The following COL4A2 variants were observed in gnomAD, a reference collection of about 807,000 sequenced individuals.
COL4A2 encodes the protein collagen alpha-2(IV) chain.
In COL4A2, 99 loss-of-function variants were observed where a neutral mutation model predicts 200.2. That is an observed-to-expected ratio of 0.49 (90% CI 0.42 to 0.58). The LOEUF (loss-of-function observed/expected upper bound fraction) is 0.58. COL4A2 is among the 20% of genes least tolerant of loss of function. The pLI is 0.00. For synonymous variants in COL4A2, 897 were observed against 900.6 expected, an observed-to-expected ratio of 1.00 and a Z score of 0.07; for missense variants, 1,950 against 2,314.1, an observed-to-expected ratio of 0.84 and a Z score of 3.23.
intron 29 of COL4A2, among the ~76,000 whole-genome samples, chr13:110,475,714 T>C (rs1275063576): frequency 3.9e-5 from 6 of 152,240 alleles, no homozygotes; most frequent in Non-Finnish European, 8.8e-5. Context: ...CAGCGGGTCC[T>C]GCTTCCATTC....
At chr13:110,370,579 T>G (rs565284776) in intron 4 of COL4A2, among the ~76,000 whole-genome samples, 1 of 152,172 alleles carries the variant, frequency 6.6e-6, no homozygotes, top group South Asian at 2.1e-4. Flanking sequence ...TGTTGTTGTG[T>G]TGTTGTTGTT....
intron 29 of COL4A2, 68 bp downstream of exon 29, chr13:110,473,218 A>G (rs1471923411): frequency 1.9e-5 from 27 of 1,441,464 alleles, no homozygotes; most frequent in African/African-American, 1.1e-4. Flanking sequence ...GGCGACCCCA[A>G]TCCCTTCCGG....
At chr13:110,411,443 C>T (rs994590055) in intron 4 of COL4A2, among the ~76,000 whole-genome samples, 3 of 152,194 alleles carry the variant, frequency 2.0e-5, no homozygotes, top group Admixed American at 2.0e-4. Flanking sequence ...CCAGGGGCCT[C>T]CTCTGCATAC....
At chr13:110,445,764 A>C (rs1881298291) in intron 16 of COL4A2, 65 bp from the exon 17 acceptor site, 3 of 1,573,048 alleles carry the variant, frequency 1.9e-6, no homozygotes, top group Non-Finnish European at 2.6e-6. Flanking sequence ...TAATAATGCC[A>C]TTGCAGTCCC....
chr13:110,315,804 A>G (rs1885116284), intron 3 of COL4A2, among the ~76,000 whole-genome samples: 1 of 152,172 alleles, frequency 6.6e-6, no homozygotes, highest in South Asian at 2.1e-4. Flanking sequence ...ATTCATGGGT[A>G]CCTTTATCTG....
At chr13:110,488,357 G>C (rs941948882) in intron 34 of COL4A2, among the ~76,000 whole-genome samples, 2 of 152,144 alleles carry the variant, frequency 1.3e-5, no homozygotes, top group African/African-American at 4.8e-5. Context: ...ACTCATGTTA[G>C]GCCATGCTTG....
At chr13:110,321,515 T>G (rs1248239628) in intron 3 of COL4A2, among the ~76,000 whole-genome samples, 3 of 152,182 alleles carry the variant, frequency 2.0e-5, no homozygotes, top group Non-Finnish European at 4.4e-5. Flanking sequence ...TGTTAATCTA[T>G]TCTACTTTCT....
intron 39 of COL4A2, among the ~76,000 whole-genome samples, chr13:110,494,307 A>G (rs1883381753): frequency 6.7e-6 from 1 of 150,082 alleles, no homozygotes; most frequent in African/African-American, 2.4e-5. Flanking sequence ...GTCCTCCCCA[A>G]GAAGCTGAGA....
intron 3 of COL4A2, among the ~76,000 whole-genome samples, chr13:110,321,239 CACAT>C (rs201924877): frequency 0.035 from 5,247 of 148,730 alleles, 303 homozygotes; most frequent in African/African-American, 0.13. Context: ...CACACACACA[CACAT>C]AGAGAGTGTA....
chr13:110,430,299 C>A, intron 8 of COL4A2, 102 bp from the exon 9 acceptor site: 1 of 1,488,700 alleles, frequency 6.7e-7, no homozygotes, highest in Non-Finnish European at 9.1e-7. Flanking sequence ...CCTGATAGGG[C>A]TGATCTGTTT....
At chr13:110,409,346 A>G (rs573382312) in intron 4 of COL4A2, among the ~76,000 whole-genome samples, 3 of 152,298 alleles carry the variant, frequency 2.0e-5, no homozygotes, top group Admixed American at 6.5e-5. Context: ...ACCGCAAAGA[A>G]AGCAAGAATG....
Position 110,450,318 on chromosome 13 carries a change from C to T in COL4A2, c.1203C>T (p.Gly401=), listed in dbSNP as rs1160663206. The T allele has an allele frequency of 4.3e-6, 7 of 1,613,534 alleles. No individual in the cohort carries two copies. The highest frequency in any genetic ancestry group is 5.1e-6 in the Non-Finnish European group (6 of 1,179,662). ...GTTTGGTTTCAGATCAGAGGAGAGG[C>T]CTGCCGGGTGAGATGGGACCCAAGG... is the stretch of plus-strand genomic sequence containing the variant. ...LSIGDGDQRR[G]LPGEMGPKGF... The change falls in exon 20 of 48, where the codon GGC becomes GGT. Residue 401 remains glycine, a synonymous_variant. Coordinates refer to ENST00000360467, the MANE Select transcript of COL4A2 (RefSeq NM_001846.4).
chr13:110,496,891 A>T (rs1883477448), intron 40 of COL4A2, among the ~76,000 whole-genome samples: 1 of 147,078 alleles, frequency 6.8e-6, no homozygotes, highest in South Asian at 2.2e-4. Context: ...AGCCTCAGTC[A>T]GGGGTGAGGA....
chr13:110,441,471 C>G (rs1881120335), intron 16 of COL4A2, among the ~76,000 whole-genome samples: 1 of 152,182 alleles, frequency 6.6e-6, no homozygotes, highest in South Asian at 2.1e-4. Flanking sequence ...TTATGCTAAA[C>G]TCAGCCCAGG....
intron 4 of COL4A2, among the ~76,000 whole-genome samples, chr13:110,387,756 C>T (rs113696651): frequency 0.015 from 2,297 of 152,342 alleles, 30 homozygotes; most frequent in Middle Eastern, 0.058. Flanking sequence ...ACGGTTTCCT[C>T]TTTTAAGGCG....
intron 16 of COL4A2, among the ~76,000 whole-genome samples, chr13:110,440,890 A>G (rs7996686): frequency 0.35 from 53,834 of 152,064 alleles, 9,957 homozygotes; most frequent in Non-Finnish European, 0.42. Context: ...ACGGAGCAAC[A>G]AAAGAAATGT....
chr13:110,468,296 G>A (rs202029857), intron 27 of COL4A2: 131 of 471,526 alleles, frequency 2.8e-4, no homozygotes, highest in Admixed American at 5.4e-4. Flanking sequence ...TGTATCTTCC[G>A]CGTTCCATTA....
In COL4A2 at chr13:110,439,839, T is replaced by C. The variant is rs769429647; in HGVS notation, c.957+6T>C. On this transcript the variant is annotated splice_donor_region_variant and intron_variant, in intron 16 of 47. Transcript: ENST00000360467. ...AAGGATCACCAGGACAGAAGGTAAG[T>C]TGGATGCATGAACTGCAGTCTGCTC... 2 of 1,613,954 alleles carry C rather than the reference T, an allele frequency of 1.2e-6. No individual in the cohort carries two copies. The highest frequency in any genetic ancestry group is 8.5e-7 in the Non-Finnish European group (1 of 1,179,968).
At chr13:110,409,189 A>T (rs1879733319) in intron 4 of COL4A2, among the ~76,000 whole-genome samples, 1 of 152,214 alleles carries the variant, frequency 6.6e-6, no homozygotes, top group Admixed American at 6.5e-5. Flanking sequence ...ACATACACGC[A>T]CATATACACA....
Sources: allele counts gnomAD v4.1 joint callset (sites outside exome capture counted in the v4.1 genomes callset), GRCh38; gene constraint gnomAD v4.1.1; transcripts MANE v1.5; gene names NCBI Gene and HGNC (gene_info 2026-07-23, HGNC 2026-07-21).